Variants in ZNF425 observed in about 807,000 individuals in gnomAD.
ZNF425 encodes zinc finger protein 425.
Under a neutral mutation model 17.0 loss-of-function variants are expected in ZNF425, and 21 were observed. The observed-to-expected ratio is 1.23, with a 90% CI of 0.88 to 1.78. The LOEUF (loss-of-function observed/expected upper bound fraction) is 1.78, where lower values mean the gene tolerates loss of function less well. Ranked by LOEUF, ZNF425 falls within the 40% of genes most tolerant of loss-of-function variation. The pLI is 0.00. For synonymous variants in ZNF425, 433 were observed against 384.1 expected (o/e 1.13, Z -1.49); for missense variants, 868 against 967.3 (o/e 0.90, Z 1.36).
At chr7:149,116,824 C>T (rs532450531) in intron 2 of ZNF425, among the ~76,000 whole-genome samples, 1 of 152,264 alleles carries the variant, frequency 6.6e-6, no homozygotes, top group South Asian at 2.1e-4. Flanking sequence ...CCTAGTTTTT[C>T]TCTGCTTAAA....
chr7:149,111,306 C>T (rs751365653), intron 3 of ZNF425, among the ~76,000 whole-genome samples: 16 of 150,658 alleles, frequency 1.1e-4, no homozygotes, highest in East Asian at 2.0e-4. Context: ...AAAAATTAGC[C>T]GGGTGTCGGG....
At chr7:149,125,082 GA>G (rs1279476477) in intron 1 of ZNF425, among the ~76,000 whole-genome samples, 3 of 151,886 alleles carry the variant, frequency 2.0e-5, no homozygotes, top group Admixed American at 6.6e-5. Flanking sequence ...AAAGAGGAGA[GA>G]AAAAAAGAAA....
rs761517775 is a variant in ZNF425, at chr7:149,103,887, C to T, written c.1984G>A (p.Gly662Arg). The T allele has an allele frequency of 6.8e-6, 11 of 1,613,962 alleles. No individual in the cohort carries two copies. Among genetic ancestry groups the T allele is most frequent in the Middle Eastern group, 1.6e-4 (1 of 6,084 alleles). Residue 662 changes from glycine to arginine, a missense_variant, in exon 4 of 4, where the codon GGG becomes AGG. Transcript: ENST00000378061. ...TCCGGACACTGGAAGGGCTTCTCCC[C>T]GCTGTGGACTCGAATGTGTTCTGTG... ...RLTEHIRVHS[G>R]EKPFQCPECD...
rs566980732 is a variant in ZNF425, at chr7:149,110,332, G to A, written c.304+1805C>T. Among the ~76,000 whole-genome samples, 388 of 151,496 alleles carry A rather than the reference G, an allele frequency of 2.6e-3. 1 individual carries two copies. Among genetic ancestry groups the A allele is most frequent in the Non-Finnish European group, 4.2e-3 (288 of 67,842 alleles). ...TGTAATCCCAGCACTTTGGGAAGCC[G>A]AGGTGGGTGGATCACCTGAGGTCAG... On this transcript the variant is annotated intron_variant, in intron 3 of 3. Transcript: ENST00000378061.
intron 3 of ZNF425, among the ~76,000 whole-genome samples, chr7:149,108,425 T>C (rs570112894): frequency 1.3e-5 from 2 of 152,314 alleles, no homozygotes; most frequent in South Asian, 4.1e-4. Context: ...AAAGTATATT[T>C]ACCTTGAATC....
At chr7:149,122,764 C>T (rs989008329) in intron 1 of ZNF425, among the ~76,000 whole-genome samples, 6 of 152,040 alleles carry the variant, frequency 3.9e-5, no homozygotes, top group East Asian at 1.9e-4. Flanking sequence ...GGCGCAATCT[C>T]GGCTCACTAC....
chr7:149,109,046 G>A (rs1031852313), intron 3 of ZNF425, among the ~76,000 whole-genome samples: 12 of 151,344 alleles, frequency 7.9e-5, no homozygotes, highest in Middle Eastern at 3.5e-3. Context: ...TCAGTTACAG[G>A]CAGGTTGGTG....
At chr7:149,107,753 T>G (rs1826105167) in intron 3 of ZNF425, among the ~76,000 whole-genome samples, 1 of 152,104 alleles carries the variant, frequency 6.6e-6, no homozygotes, top group African/African-American at 2.4e-5. Context: ...AAAGGACCAT[T>G]GCAGATATTC....
chr7:149,118,095 G>A, intron 2 of ZNF425, 127 bp downstream of exon 2: 1 of 1,000,288 alleles, frequency 1.0e-6, no homozygotes, highest in Non-Finnish European at 1.5e-6. Context: ...ATAGGAAAGG[G>A]AGGAGACATT....
intron 1 of ZNF425, among the ~76,000 whole-genome samples, chr7:149,124,099 G>A (rs562625994): frequency 9.2e-5 from 14 of 151,404 alleles, no homozygotes; most frequent in Non-Finnish European, 1.5e-4. Flanking sequence ...CGCCCGGCTC[G>A]GCCTCCCAAA....
At chr7:149,109,911 C>G (rs1163102928) in intron 3 of ZNF425, among the ~76,000 whole-genome samples, 1 of 148,506 alleles carries the variant, frequency 6.7e-6, no homozygotes, top group Non-Finnish European at 1.5e-5. Flanking sequence ...GAGTCTCGCT[C>G]TGTCACCCAG....
intron 3 of ZNF425, among the ~76,000 whole-genome samples, chr7:149,110,561 A>G (rs182069974): frequency 0.038 from 5,643 of 148,994 alleles, 382 homozygotes; most frequent in African/African-American, 0.13. Flanking sequence ...GTGAGACTCC[A>G]TCTCACAAAA....
At chr7:149,119,513 T>C (rs1411400710) in intron 1 of ZNF425, among the ~76,000 whole-genome samples, 1 of 152,214 alleles carries the variant, frequency 6.6e-6, no homozygotes, top group Non-Finnish European at 1.5e-5. Context: ...TATAATTCTG[T>C]TATTTCATCG....
At chr7:149,117,787 G>C (rs570194372) in intron 2 of ZNF425, among the ~76,000 whole-genome samples, 92 of 151,504 alleles carry the variant, frequency 6.1e-4, no homozygotes, top group African/African-American at 2.1e-3. Flanking sequence ...CCAGTAGCTA[G>C]GATTACAGGC....
In ZNF425 at chr7:149,104,920, G is replaced by A. The variant is rs1202096293; in HGVS notation, c.951C>T (p.Leu317=). The change falls in exon 4 of 4, where the codon CTC becomes CTT. Residue 317 remains leucine, a synonymous_variant. Transcript: ENST00000378061. This position sits in a 1 kb window ranked among gnomAD's most constrained non-coding sequence, Gnocchi z 4.3. ...CGCTGTGCAGCCGCAAGTGCTCCGTGAGCTCGCACTGCTGCACGAAGGCCC... is the reference window on the plus strand; with the variant it reads ...CGCTGTGCAGCCGCAAGTGCTCCGTAAGCTCGCACTGCTGCACGAAGGCCC... ...CGRAFVQQCE[L]TEHLRLHSGE... 1 of 1,613,738 alleles carries A rather than the reference G, an allele frequency of 6.2e-7. No homozygotes were observed. Among genetic ancestry groups the A allele is most frequent in the South Asian group, 1.1e-5 (1 of 91,030 alleles).
chr7:149,105,611 C>CCTG, intron 3 of ZNF425, 45 bp from the exon 4 acceptor site: 1 of 1,383,908 alleles, frequency 7.2e-7, no homozygotes, highest in Non-Finnish European at 9.4e-7. Context: ...TATGTCTACC[C>CCTG]TATAAATGGG....
intron 3 of ZNF425, among the ~76,000 whole-genome samples, chr7:149,108,778 G>C (rs988891723): frequency 1.3e-5 from 2 of 152,142 alleles, no homozygotes; most frequent in African/African-American, 4.8e-5. Context: ...TGTAGTCCCA[G>C]CTACTCGGGA....
chr7:149,124,529 G>T (rs13308362), intron 1 of ZNF425, among the ~76,000 whole-genome samples: 62,688 of 151,210 alleles, frequency 0.41, 13,117 homozygotes, highest in South Asian at 0.53. Flanking sequence ...ATATTTTTTT[G>T]TTGTTGTTGT....
At chr7:149,105,956 C>CT (rs1563145222) in intron 3 of ZNF425, among the ~76,000 whole-genome samples, 3 of 66,090 alleles carry the variant, frequency 4.5e-5, no homozygotes, top group African/African-American at 7.9e-5. Flanking sequence ...AAATTTTTTT[C>CT]CTTTTTTTTT....
Sources: allele counts gnomAD v4.1 joint callset (sites outside exome capture counted in the v4.1 genomes callset), GRCh38; gene constraint gnomAD v4.1.1; non-coding constraint Gnocchi (gnomAD v3.1); transcripts MANE v1.5; gene names NCBI Gene and HGNC (gene_info 2026-07-23, HGNC 2026-07-21).